The following NUB1 variants were observed in gnomAD, a reference collection of about 807,000 sequenced individuals.
The protein encoded by NUB1 is NEDD8 ultimate buster 1.
NUB1 carries 41 observed loss-of-function variants against 77.1 expected under a neutral mutation model. The observed-to-expected ratio is 0.53, with a 90% CI of 0.41 to 0.69. The LOEUF (loss-of-function observed/expected upper bound fraction) is 0.69. NUB1 is among the 30% of genes least tolerant of loss of function. NUB1 has a pLI of 0.00. For missense variants in NUB1, 643 were observed against 743.8 expected (o/e 0.86, Z 1.58); for synonymous variants, 257 against 281.0 (o/e 0.91, Z 0.85).
chr7:151,366,319 A>G (rs1397568583), intron 8 of NUB1, among the ~76,000 whole-genome samples: 1 of 152,120 alleles, frequency 6.6e-6, no homozygotes, highest in Non-Finnish European at 1.5e-5. Flanking sequence ...CTTGAATATG[A>G]TTGAACATGA....
chr7:151,349,152 A>G lies in NUB1; in HGVS notation c.197A>G (p.Lys66Arg), dbSNP rs774620409. The G allele has an allele frequency of 6.2e-7, 1 of 1,613,836 alleles. No individual in the cohort carries two copies. Among genetic ancestry groups the G allele is most frequent in the Non-Finnish European group, 8.5e-7 (1 of 1,179,796 alleles). Residue 66 changes from lysine (K) to arginine (R), a missense_variant, in exon 3 of 15, where the codon AAG (lysine) becomes AGG (arginine). By Grantham distance (26) the Lys-to-Arg change is conservative. Coordinates refer to ENST00000568733, the MANE Select transcript of NUB1 (RefSeq NM_001243351.2). ...AAGGTAATAGAAGAAATACGTTGCA[A>G]GGCAATTGAGCGTGGAACAGGAAAT... ...VEKVIEEIRCKAIERGTGNDN... is the reference protein window; with the variant it reads ...VEKVIEEIRCRAIERGTGNDN...
Position 151,360,156 on chromosome 7 carries a change from A to T in NUB1, c.709A>T (p.Met237Leu). ...PSERKALMLA[M>L]GYHEKGRAFL... is the part of the protein sequence containing the mutation. ...TTTTTCCTAGGCCCTTATGTTAGCT[A>T]TGGGATATCATGAGAAGGGCAGAGC... Residue 237 changes from methionine to leucine, a missense_variant, in exon 8 of 15, where the codon ATG becomes TTG. Met to Leu is a conservative substitution (Grantham distance 15). Transcript: ENST00000568733. The T allele has an allele frequency of 1.3e-6, 2 of 1,585,336 alleles. No individual in the cohort carries two copies. The highest frequency in any genetic ancestry group is 1.7e-6 in the Non-Finnish European group (2 of 1,154,442).
At chr7:151,362,467 C>T (rs368918074) in intron 8 of NUB1, among the ~76,000 whole-genome samples, 1 of 152,262 alleles carries the variant, frequency 6.6e-6, no homozygotes, top group African/African-American at 2.4e-5. Context: ...TCACAACTTC[C>T]TACCATATGT....
chr7:151,349,026 C>CTTT, intron 2 of NUB1, 47 bp from the exon 3 acceptor site: 1 of 1,163,732 alleles, frequency 8.6e-7, no homozygotes, highest in South Asian at 1.6e-5. Flanking sequence ...TATATTTTGC[C>CTTT]TTTTTTTTTT....
chr7:151,375,119 A>G (rs1410434779), intron 12 of NUB1, among the ~76,000 whole-genome samples: 1 of 152,108 alleles, frequency 6.6e-6, no homozygotes, highest in East Asian at 1.9e-4. Context: ...AGGCACGGGG[A>G]GTCCACCCTG....
intron 4 of NUB1, among the ~76,000 whole-genome samples, chr7:151,351,916 A>AAC (rs1204427761): frequency 0.16 from 23,504 of 151,030 alleles, 2,110 homozygotes; most frequent in Middle Eastern, 0.33. Context: ...CCATCTGTAA[A>AAC]ACACACACAC....
chr7:151,359,834 A>G (rs1320993530), intron 7 of NUB1, among the ~76,000 whole-genome samples: 3 of 152,208 alleles, frequency 2.0e-5, no homozygotes, highest in Non-Finnish European at 2.9e-5. Flanking sequence ...GCTTTTTAAT[A>G]TGTTTAGTCT....
At chr7:151,363,985 G>A (rs1025431571) in intron 8 of NUB1, among the ~76,000 whole-genome samples, 2 of 151,432 alleles carry the variant, frequency 1.3e-5, no homozygotes, top group Non-Finnish European at 2.9e-5. Flanking sequence ...GTAGAGACGG[G>A]GTTTCACTAT....
In NUB1 at chr7:151,377,275, T is replaced by C. The variant is rs1798346376; in HGVS notation, c.*50T>C. On this transcript the variant is annotated 3_prime_UTR_variant, in exon 15 of 15. Transcript: ENST00000568733. ...TTTCTGCTTATAAATGCTATCATTA[T>C]GAAAAGGCTAATGCAGCTCTTTCTG... The C allele has an allele frequency of 7.8e-7, 1 of 1,284,180 alleles. No homozygotes were observed. Among genetic ancestry groups the C allele is most frequent in the African/African-American group, 1.5e-5 (1 of 67,128 alleles). The allele number at this position is 1,284,180 out of a possible 1,614,324, so 79.5% of individuals were successfully genotyped here.
At chr7:151,363,453 TA>T (rs34455667) in intron 8 of NUB1, among the ~76,000 whole-genome samples, 49,057 of 140,402 alleles carry the variant, frequency 0.35, 8,942 homozygotes, top group East Asian at 0.46. Context: ...GAGAAAAGGC[TA>T]AAAAAAAAAA....
At chr7:151,362,720 G>A (rs1797440421) in intron 8 of NUB1, among the ~76,000 whole-genome samples, 1 of 152,200 alleles carries the variant, frequency 6.6e-6, no homozygotes, top group Admixed American at 6.5e-5. Context: ...GGAGCAAGCT[G>A]CCAGAGAGAG....
chr7:151,345,562 G>A, intron 2 of NUB1, 96 bp downstream of exon 2: 1 of 702,032 alleles, frequency 1.4e-6, no homozygotes. Context: ...TAAACTTTTG[G>A]CATAACCAAA....
intron 5 of NUB1, among the ~76,000 whole-genome samples, chr7:151,354,214 T>G (rs1796951852): frequency 6.6e-6 from 1 of 152,134 alleles, no homozygotes; most frequent in Admixed American, 6.6e-5. Flanking sequence ...TGACCCTTTT[T>G]GGGGGGCCCT....
chr7:151,368,249 A>C (rs1179126414), intron 10 of NUB1, among the ~76,000 whole-genome samples: 1 of 152,202 alleles, frequency 6.6e-6, no homozygotes, highest in Non-Finnish European at 1.5e-5. Flanking sequence ...GCAGCCCGCC[A>C]GCCTCAGCGA....
chr7:151,368,022 A>G (rs1775095983), intron 10 of NUB1, 54 bp downstream of exon 10: 1 of 1,056,130 alleles, frequency 9.5e-7, no homozygotes, highest in Non-Finnish European at 1.4e-6. Context: ...AAACATTCCC[A>G]GAAGTTAAGG....
intron 8 of NUB1, among the ~76,000 whole-genome samples, chr7:151,362,629 G>T (rs1392622239): frequency 6.6e-6 from 1 of 152,216 alleles, no homozygotes; most frequent in Non-Finnish European, 1.5e-5. Flanking sequence ...ACGGGGCAGG[G>T]AGGGCAAACC....
chr7:151,344,999 CAAAAAAGA>C (rs1341569233), intron 1 of NUB1, among the ~76,000 whole-genome samples: 1 of 149,754 alleles, frequency 6.7e-6, no homozygotes, highest in African/African-American at 2.4e-5. Context: ...GACTCCGTCT[CAAAAAAGA>C]AAAAAAGAAG....
intron 5 of NUB1, 47 bp from the exon 6 acceptor site, chr7:151,355,721 T>G: frequency 6.7e-7 from 1 of 1,486,542 alleles, no homozygotes. Context: ...TGTTACCTGG[T>G]AAGCTTAATG....
intron 2 of NUB1, among the ~76,000 whole-genome samples, chr7:151,346,860 C>T (rs1335962188): frequency 2.0e-5 from 3 of 152,178 alleles, no homozygotes; most frequent in East Asian, 1.9e-4. Context: ...TGTGAACCCT[C>T]GACTTTGTAG....
Sources: gnomAD v4.1 joint callset for allele counts (sites outside exome capture counted in the v4.1 genomes callset) on GRCh38, gnomAD v4.1.1 for gene constraint, MANE v1.5 for transcripts, NCBI Gene and HGNC (gene_info 2026-07-23, HGNC 2026-07-21) for gene names.